Variants in LYPD6 observed in about 807,000 individuals in gnomAD.
LYPD6 encodes the protein LY6/PLAUR domain containing 6.
In LYPD6, 15 loss-of-function variants were observed where a neutral mutation model predicts 22.7. The observed-to-expected ratio is 0.66, with a 90% CI of 0.44 to 1.02. The LOEUF is 1.02. LYPD6 is among the 50% of genes least tolerant of loss of function. The pLI, the probability that LYPD6 is intolerant of heterozygous loss-of-function variation, is 0.00. For missense variants in LYPD6, 189 were observed against 208.4 expected, an observed-to-expected ratio of 0.91 and a Z score of 0.57; for synonymous variants, 72 against 77.5, an observed-to-expected ratio of 0.93 and a Z score of 0.37.
intron 2 of LYPD6, among the ~76,000 whole-genome samples, chr2:149,442,859 C>A (rs1027125922): frequency 6.6e-6 from 1 of 152,042 alleles, no homozygotes; most frequent in African/African-American, 2.4e-5. Flanking sequence ...ATTGGTATTT[C>A]CTGCCAAGAT....
intron 1 of LYPD6, among the ~76,000 whole-genome samples, chr2:149,405,605 C>T (rs1054953132): frequency 7.2e-5 from 11 of 152,114 alleles, no homozygotes; most frequent in Non-Finnish European, 1.0e-4. Context: ...TTTTATTGGT[C>T]TATTTGATTC....
chr2:149,451,925 AG>A (rs923548581), intron 3 of LYPD6, among the ~76,000 whole-genome samples: 17 of 152,188 alleles, frequency 1.1e-4, no homozygotes, highest in African/African-American at 4.1e-4. Context: ...CAAAATTAGC[AG>A]GACAAAGGTA....
chr2:149,423,478 T>C (rs1423279036), intron 1 of LYPD6, among the ~76,000 whole-genome samples: 1 of 152,112 alleles, frequency 6.6e-6, no homozygotes, highest in Non-Finnish European at 1.5e-5. Context: ...GATTGCCTAC[T>C]TTCTCTGTTG....
intron 4 of LYPD6, among the ~76,000 whole-genome samples, chr2:149,470,376 C>G (rs757217303): frequency 5.3e-5 from 8 of 152,092 alleles, no homozygotes; most frequent in Non-Finnish European, 1.2e-4. Context: ...TCTTTATTCC[C>G]ATTTTAAGGG....
At chr2:149,442,359 C>T (rs553523706) in intron 2 of LYPD6, among the ~76,000 whole-genome samples, 2 of 152,208 alleles carry the variant, frequency 1.3e-5, no homozygotes, top group South Asian at 2.1e-4. Flanking sequence ...AAATTATGGT[C>T]GGTTGAACTA....
chr2:149,410,120 G>A (rs979978045), intron 1 of LYPD6, among the ~76,000 whole-genome samples: 2 of 152,152 alleles, frequency 1.3e-5, no homozygotes, highest in African/African-American at 4.8e-5. Flanking sequence ...TATAGTAGGT[G>A]CTCAGTTGAA....
chr2:149,417,654 A>G (rs969174721), intron 1 of LYPD6, among the ~76,000 whole-genome samples: 1 of 152,178 alleles, frequency 6.6e-6, no homozygotes, highest in African/African-American at 2.4e-5. Context: ...ATTTTAGAGT[A>G]AAGAGTTCCC....
At chr2:149,344,937 A>G (rs1681226685) in intron 1 of LYPD6, among the ~76,000 whole-genome samples, 1 of 152,182 alleles carries the variant, frequency 6.6e-6, no homozygotes, top group African/African-American at 2.4e-5. Context: ...TAGTCCACCT[A>G]CTTGGCAGGC....
chr2:149,470,658 A>T (rs372550339), intron 4 of LYPD6, 25 bp from the exon 5 acceptor site: 15 of 1,601,602 alleles, frequency 9.4e-6, no homozygotes, highest in African/African-American at 1.3e-5. Context: ...GCTTCTCATT[A>T]TCTTTTTTTC....
rs950804274 is a variant in LYPD6, at chr2:149,452,125, C to G, written c.217+2978C>G. Among the ~76,000 whole-genome samples the G allele has an allele frequency of 2.0e-5, 3 of 152,310 alleles. No homozygotes were observed. The South Asian group carries it at 6.2e-4, about 32-fold the overall frequency. On this transcript the variant is annotated intron_variant, in intron 3 of 4. Coordinates refer to ENST00000334166, the MANE Select transcript of LYPD6 (RefSeq NM_194317.5). ...CTCACTCAGAGCAAAGGCATAGAGA[C>G]AAGACTCCCCAGGTGTGCTCAGTGG...
chr2:149,351,503 G>A (rs1681358896), intron 1 of LYPD6, among the ~76,000 whole-genome samples: 1 of 151,702 alleles, frequency 6.6e-6, no homozygotes, highest in Admixed American at 6.6e-5. Flanking sequence ...AGTACATACT[G>A]ATCTTGCTGG....
rs537409112 is a variant in LYPD6, at chr2:149,472,312, T to C, written c.*1462T>C. 1 of 152,460 alleles carries C rather than the reference T, an allele frequency of 6.6e-6. No homozygotes were observed. Among genetic ancestry groups the C allele is most frequent in the South Asian group, 2.1e-4 (1 of 4,832 alleles). 9.4% of individuals were successfully genotyped at this position (152,460 alleles called of 1,614,324 possible). On this transcript the variant is annotated 3_prime_UTR_variant, in exon 5 of 5. Transcript: ENST00000334166. ...GAGCAATATGTTTGTCTCAAGGATT[T>C]TTCCATGGTTTCCTCAGTGATGGTG...
chr2:149,452,947 G>A (rs948119226), intron 3 of LYPD6, among the ~76,000 whole-genome samples: 2 of 152,120 alleles, frequency 1.3e-5, no homozygotes, highest in African/African-American at 4.8e-5. Context: ...ATATAAGGGC[G>A]TTCTCCTCCA....
chr2:149,478,391 TGTGTGTGTGC>T (rs1212254551), downstream of LYPD6, among the ~76,000 whole-genome samples: 2 of 65,034 alleles, frequency 3.1e-5, no homozygotes, highest in African/African-American at 7.8e-5. Flanking sequence ...TGTGTGTGTG[TGTGTGTGTGC>T]GCGCACGCAT....
At chr2:149,331,836 T>C (rs1680944568) in intron 1 of LYPD6, among the ~76,000 whole-genome samples, 1 of 152,222 alleles carries the variant, frequency 6.6e-6, no homozygotes, top group Non-Finnish European at 1.5e-5. Flanking sequence ...TTATTTCTTG[T>C]TAAATTGACT....
chr2:149,436,943 T>C lies in LYPD6; in HGVS notation c.-71-695T>C, dbSNP rs189404493. Reference sequence around the variant, plus strand: ...AACAAAGAATTGCCTAGTGTTTAACTGTGCAGACTCCAAAGCCACATTGCC... The same window carrying C: ...AACAAAGAATTGCCTAGTGTTTAACCGTGCAGACTCCAAAGCCACATTGCC... On this transcript the variant is annotated intron_variant, in intron 1 of 4. Transcript: ENST00000334166. Among the ~76,000 whole-genome samples, 347 of 152,356 alleles carry C rather than the reference T, an allele frequency of 2.3e-3. 2 individuals carry two copies. Among genetic ancestry groups the C allele is most frequent in the African/African-American group, 7.8e-3 (323 of 41,588 alleles).
chr2:149,468,607 A>G (rs760258558), intron 3 of LYPD6, 38 bp from the exon 4 acceptor site: 13 of 1,601,216 alleles, frequency 8.1e-6, no homozygotes, highest in Non-Finnish European at 1.1e-5. Context: ...AGGTTTGGTC[A>G]ACATTTCCCA....
chr2:149,332,850 A>G (rs1251460443), intron 1 of LYPD6, among the ~76,000 whole-genome samples: 1 of 152,200 alleles, frequency 6.6e-6, no homozygotes, highest in Non-Finnish European at 1.5e-5. Flanking sequence ...GAAAACTAGG[A>G]ATAGTTTTAA....
At chr2:149,331,040 G>C (rs1680927309) in intron 1 of LYPD6, among the ~76,000 whole-genome samples, 1 of 152,182 alleles carries the variant, frequency 6.6e-6, no homozygotes, top group South Asian at 2.1e-4. Context: ...CCTTTCCCAG[G>C]AGTAATTCAG....
Sources: allele counts gnomAD v4.1 joint callset (sites outside exome capture counted in the v4.1 genomes callset), GRCh38; gene constraint gnomAD v4.1.1; transcripts MANE v1.5; gene names NCBI Gene and HGNC (gene_info 2026-07-23, HGNC 2026-07-21).